The following PDE4D variants were observed in gnomAD, a reference collection of about 807,000 sequenced individuals.
PDE4D encodes the protein phosphodiesterase 4D.
Under a neutral mutation model 87.4 loss-of-function variants are expected in PDE4D, and 24 were observed. That is an observed-to-expected ratio of 0.27 (90% CI 0.20 to 0.39). PDE4D has a LOEUF of 0.39. Ranked by LOEUF, PDE4D falls within the 10% of genes least tolerant of loss-of-function variation. The probability of loss-of-function intolerance (pLI) is 1.00; values close to 1 mark genes in which losing one functional copy is unlikely to be tolerated. For missense variants in PDE4D, 714 were observed against 1,041.0 expected (o/e 0.69, Z 4.32); for synonymous variants, 384 against 383.2 (o/e 1.00, Z -0.02).
At chr5:60,143,425 A>G (rs1046166204) in intron 2 of PDE4D, among the ~76,000 whole-genome samples, 1 of 152,188 alleles carries the variant, frequency 6.6e-6, no homozygotes, top group African/African-American at 2.4e-5. Context: ...TACACATTAG[A>G]CACACATATA....
At chr5:59,665,721 G>A (rs750542857) in intron 1 of PDE4D, among the ~76,000 whole-genome samples, 1 of 152,166 alleles carries the variant, frequency 6.6e-6, no homozygotes, top group Non-Finnish European at 1.5e-5. Flanking sequence ...GCCTTTGGGA[G>A]GTAATTAGGT....
chr5:60,139,942 G>A (rs1780384009), intron 2 of PDE4D, among the ~76,000 whole-genome samples: 2 of 151,972 alleles, frequency 1.3e-5, no homozygotes, highest in African/African-American at 2.4e-5. Context: ...TCTATTAGTA[G>A]TATTTACCAA....
At chr5:60,243,956 C>T (rs1012015693) in intron 1 of PDE4D, among the ~76,000 whole-genome samples, 1 of 151,722 alleles carries the variant, frequency 6.6e-6, no homozygotes, top group Non-Finnish European at 1.5e-5. Flanking sequence ...CTAGCTAGAT[C>T]AGTAAGACAA....
At chr5:59,328,231 T>C (rs1276603767) in intron 1 of PDE4D, among the ~76,000 whole-genome samples, 1 of 152,150 alleles carries the variant, frequency 6.6e-6, no homozygotes, top group Non-Finnish European at 1.5e-5. Context: ...ACTAGCTGTG[T>C]GATTTGGGGC....
rs562372913 is a variant in PDE4D, at chr5:59,081,812, T to C, written c.809-42841A>G. Among the ~76,000 whole-genome samples the C allele has an allele frequency of 3.3e-5, 5 of 152,294 alleles. No homozygotes were observed. The South Asian group carries it at 8.3e-4, about 25-fold the overall frequency. ...AATGTCCTTAATGTAGATTATATGG[T>C]TTGGCCATGCCCTAACCAAAATCTC... On this transcript the variant is annotated intron_variant, in intron 5 of 14. Transcript: ENST00000340635.
intron 1 of PDE4D, among the ~76,000 whole-genome samples, chr5:59,411,952 C>G (rs17727615): frequency 0.05 from 7,630 of 152,254 alleles, 309 homozygotes; most frequent in South Asian, 0.21. Flanking sequence ...TGGATTCGCT[C>G]ACTTATTAAA....
rs558886485 is a variant in PDE4D at position 60,293,491 on chromosome 5, G to A, written c.-89-107804C>T. 2.1e-4 allele frequency among the ~76,000 whole-genome samples: 32 copies of A among 152,218 alleles called. No homozygotes were observed. The East Asian group carries it at 6.2e-3, about 29-fold the overall frequency. Reference sequence around the variant, plus strand: ...ACGGCGCCACTGCACTCCAGCCTGGGTAACAGAGCGAGACTCTGTCTCAAA... The same window carrying A: ...ACGGCGCCACTGCACTCCAGCCTGGATAACAGAGCGAGACTCTGTCTCAAA... On this transcript the variant is annotated intron_variant, in intron 1 of 16. Coordinates refer to the PDE4D transcript ENST00000502484.
chr5:59,442,620 A>G (rs1277464262), intron 1 of PDE4D, among the ~76,000 whole-genome samples: 1 of 152,242 alleles, frequency 6.6e-6, no homozygotes, highest in Non-Finnish European at 1.5e-5. Context: ...ACTTTCTGCA[A>G]AAATTAATGA....
chr5:60,056,418 CA>C (rs202124386), intron 2 of PDE4D, among the ~76,000 whole-genome samples: 1 of 150,038 alleles, frequency 6.7e-6, no homozygotes, highest in Non-Finnish European at 1.5e-5. Context: ...GACAATCTGT[CA>C]AAAAAAAAGC....
At chr5:59,926,065 T>C (rs957525984) in intron 3 of PDE4D, among the ~76,000 whole-genome samples, 2 of 151,908 alleles carry the variant, frequency 1.3e-5, no homozygotes, top group African/African-American at 4.8e-5. Context: ...AGAATACATA[T>C]TTTTTTCCTC....
intron 1 of PDE4D, among the ~76,000 whole-genome samples, chr5:59,452,212 C>G (rs1171926965): frequency 2.6e-5 from 4 of 152,152 alleles, no homozygotes; most frequent in Admixed American, 1.3e-4. Flanking sequence ...CATTTATATT[C>G]ACACTTGAGG....
At chr5:59,255,777 A>G (rs920813321) in intron 1 of PDE4D, among the ~76,000 whole-genome samples, 6 of 152,152 alleles carry the variant, frequency 3.9e-5, no homozygotes, top group Non-Finnish European at 7.3e-5. Flanking sequence ...CTCTAAGAGT[A>G]TATACAAAGA....
intron 1 of PDE4D, among the ~76,000 whole-genome samples, chr5:59,833,329 G>A (rs1318449289): frequency 1.3e-5 from 2 of 151,900 alleles, no homozygotes; most frequent in Non-Finnish European, 2.9e-5. Context: ...CTTAGCACCA[G>A]CCCCCAGCAA....
At chr5:59,559,887 T>G (rs2153691145) in intron 1 of PDE4D, among the ~76,000 whole-genome samples, 1 of 152,282 alleles carries the variant, frequency 6.6e-6, no homozygotes, top group South Asian at 2.1e-4. Flanking sequence ...CCAAAGCACA[T>G]GGAAATAATT....
intron 1 of PDE4D, among the ~76,000 whole-genome samples, chr5:60,266,733 G>C (rs1471867844): frequency 1.3e-5 from 2 of 152,206 alleles, no homozygotes; most frequent in Non-Finnish European, 2.9e-5. Flanking sequence ...ATTTCTAAGA[G>C]AGCAGGAGGA....
At chr5:59,960,422 T>C (rs1759335060) in intron 3 of PDE4D, among the ~76,000 whole-genome samples, 1 of 152,196 alleles carries the variant, frequency 6.6e-6, no homozygotes. Context: ...ATCACAGCAC[T>C]ATTTACAATA....
intron 1 of PDE4D, among the ~76,000 whole-genome samples, chr5:60,208,517 A>C (rs989553826): frequency 6.6e-6 from 1 of 152,154 alleles, no homozygotes; most frequent in Non-Finnish European, 1.5e-5. Flanking sequence ...AAAGAAAGCC[A>C]AAGAGAATAG....
chr5:59,972,174 A>G lies in PDE4D; in HGVS notation c.272+16314T>C, dbSNP rs145853670. On this transcript the variant is annotated intron_variant, in intron 3 of 16. Transcript: ENST00000502484. ...CAGATTGACTACATTGAGGTTATAG[A>G]CCCTCCCTCTGTCTGCCAGAGGGGC... is the stretch of plus-strand genomic sequence containing the variant. Among the ~76,000 whole-genome samples, 217 of 152,126 alleles carry G rather than the reference A, an allele frequency of 1.4e-3. 2 individuals carry two copies. The highest frequency in any genetic ancestry group is 3.1e-3 in the South Asian group (15 of 4,816).
chr5:59,937,342 T>C (rs754943353), intron 3 of PDE4D, among the ~76,000 whole-genome samples: 1 of 152,210 alleles, frequency 6.6e-6, no homozygotes, highest in Non-Finnish European at 1.5e-5. Context: ...TAAATCCTTG[T>C]AAACACACTA....
Sources: gnomAD v4.1 joint callset for allele counts (sites outside exome capture counted in the v4.1 genomes callset) on GRCh38, gnomAD v4.1.1 for gene constraint, MANE v1.5 for transcripts, NCBI Gene and HGNC (gene_info 2026-07-23, HGNC 2026-07-21) for gene names.